Variants in RDX observed in about 807,000 individuals in gnomAD.
The protein encoded by RDX is deafness, autosomal recessive 24.
Under a neutral mutation model 83.7 loss-of-function variants are expected in RDX, and 32 were observed. The ratio of observed to expected loss-of-function variants is 0.38; its 90% CI spans 0.29 to 0.51. The LOEUF is 0.51. Ranked by LOEUF, RDX falls within the 20% of genes least tolerant of loss-of-function variation. RDX has a pLI of 0.87. For missense variants in RDX, 600 were observed against 689.9 expected (o/e 0.87, Z 1.46); for synonymous variants, 229 against 222.7 (o/e 1.03, Z -0.25).
intron 15 of RDX, among the ~76,000 whole-genome samples, chr11:110,197,584 C>G (rs559291605): frequency 6.6e-6 from 1 of 152,174 alleles, no homozygotes; most frequent in African/African-American, 2.4e-5. Flanking sequence ...GTCAAACTCA[C>G]TCAAAGGATT....
At chr11:110,282,433 GCTAA>G (rs757924803) in intron 1 of RDX, among the ~76,000 whole-genome samples, 119 of 151,844 alleles carry the variant, frequency 7.8e-4, no homozygotes, top group Non-Finnish European at 1.6e-3. Flanking sequence ...TGAAAAGACT[GCTAA>G]CTAATTTCAT....
chr11:110,232,182 T>C, intron 13 of RDX, 149 bp from the exon 14 acceptor site: 1 of 669,568 alleles, frequency 1.5e-6, no homozygotes, highest in South Asian at 1.8e-5. Flanking sequence ...TTAGTAATAG[T>C]GGTGGCAGTG....
At chr11:110,215,680 A>C (rs1864026572) in intron 14 of RDX, among the ~76,000 whole-genome samples, 1 of 152,232 alleles carries the variant, frequency 6.6e-6, no homozygotes, top group South Asian at 2.1e-4. Flanking sequence ...TGAGTTATGC[A>C]GACAAAATAA....
At chr11:110,182,770 C>T (rs965019976) in intron 15 of RDX, among the ~76,000 whole-genome samples, 2 of 152,150 alleles carry the variant, frequency 1.3e-5, no homozygotes, top group Admixed American at 6.5e-5. Context: ...GCCAGGTGAG[C>T]AGGCTGTCCG....
chr11:110,276,303 G>A (rs573693520), intron 2 of RDX, among the ~76,000 whole-genome samples: 1 of 152,112 alleles, frequency 6.6e-6, no homozygotes, highest in African/African-American at 2.4e-5. Flanking sequence ...CAAAGTCTGT[G>A]CTGTCACAAA....
rs146031062 is a variant in RDX at position 110,231,890 on chromosome 11, G to A, written c.1731C>T (p.Ile577=). 4.3e-5 allele frequency: 69 copies of A among 1,612,742 alleles called. 1 individual carries two copies. Among genetic ancestry groups the A allele is most frequent in the Middle Eastern group, 3.9e-4 (2 of 5,142 alleles). Residue 577 remains isoleucine (I), a synonymous_variant, in exon 14 of 14, where the codon ATC becomes ATT. Coordinates refer to ENST00000645495, the MANE Select transcript of RDX (RefSeq NM_002906.4). The stretch of plus-strand genomic sequence containing the variant: ...GCTCTCACATTGCTTCAAACTCATC[G>A]ATACGCTGCTTTGTATTGCCTTGTC... The part of the protein sequence containing the change: ...QIRQGNTKQR[I]DEFEAM
chr11:110,201,998 C>T (rs1335011419), intron 14 of RDX, among the ~76,000 whole-genome samples: 1 of 151,752 alleles, frequency 6.6e-6, no homozygotes, highest in Non-Finnish European at 1.5e-5. Context: ...CTAGGCTGCT[C>T]TCAAACTCCT....
chr11:110,258,200 C>G lies in RDX; in HGVS notation c.468-11G>C, dbSNP rs755915447. The G allele has an allele frequency of 5.3e-5, 65 of 1,225,120 alleles. 1 individual carries two copies. The Admixed American group carries it at 1.1e-3, about 22-fold the overall frequency. 75.9% of individuals were successfully genotyped at this position (1,225,120 alleles called of 1,614,324 possible). On this transcript the variant is annotated splice_polypyrimidine_tract_variant and intron_variant, in intron 5 of 13. Transcript: ENST00000645495. ...TGTTGTTCCAATACACTAAGAGGAC[C>G]AAAAAAAAAAAAAAATTATAATGAC...
chr11:110,285,986 A>G lies in RDX; in HGVS notation c.-64-6230T>C, dbSNP rs139807277. On this transcript the variant is annotated intron_variant, in intron 1 of 13. Coordinates refer to ENST00000645495, the MANE Select transcript of RDX (RefSeq NM_002906.4). ...CATTATATATCAAAGACACATATTT[A>G]TATACCAAATATTTGTATATTTCCA... Among the ~76,000 whole-genome samples, 486 of 152,248 alleles carry G rather than the reference A, an allele frequency of 3.2e-3. 12 individuals are homozygous for G. Among genetic ancestry groups the G allele is most frequent in the Admixed American group, 0.026 (400 of 15,276 alleles).
rs113105216 is a variant in RDX at position 110,283,548 on chromosome 11, G to A, written c.-64-3792C>T. ...ACTTCACAATACCATTTAATAAAATGTAAGTAAGTTAATATTTTTTTCAAA... is the reference window on the plus strand; with the variant it reads ...ACTTCACAATACCATTTAATAAAATATAAGTAAGTTAATATTTTTTTCAAA... On this transcript the variant is annotated intron_variant, in intron 1 of 13. Coordinates refer to ENST00000645495, the MANE Select transcript of RDX (RefSeq NM_002906.4). 1.4e-3 allele frequency among the ~76,000 whole-genome samples: 212 copies of A among 152,256 alleles called. 2 individuals are homozygous for A. Among genetic ancestry groups the A allele is most frequent in the African/African-American group, 4.9e-3 (203 of 41,548 alleles).
At chr11:110,187,836 AAAG>A (rs1361567451) in intron 15 of RDX, among the ~76,000 whole-genome samples, 27 of 152,338 alleles carry the variant, frequency 1.8e-4, no homozygotes, top group Non-Finnish European at 1.8e-4. Context: ...CCTGAGGAAA[AAAG>A]AGAGCTTCTT....
Position 110,230,082 on chromosome 11 carries a change from CATA to C in RDX, c.*1784_*1786del, listed in dbSNP as rs1416963514. On this transcript the variant is annotated 3_prime_UTR_variant, in exon 14 of 14. Transcript: ENST00000645495. ...TATATTAAACGCAACCTTTCTTTTACATAATGTCTGCCCAGATTAATCCTTTTA... is the reference window on the plus strand; with the variant it reads ...TATATTAAACGCAACCTTTCTTTTACATGTCTGCCCAGATTAATCCTTTTA... The C allele has an allele frequency of 3.9e-5, 6 of 152,626 alleles. No individual in the cohort carries two copies. In the East Asian group the frequency reaches 7.7e-4, roughly 20 times the overall value. 9.5% of individuals were successfully genotyped at this position (152,626 alleles called of 1,614,324 possible). A position where few individuals can be genotyped will look rare whatever the true frequency, so the allele number is the denominator to read the frequency against.
chr11:110,202,544 G>A (rs1179713281), intron 14 of RDX, among the ~76,000 whole-genome samples: 4 of 151,510 alleles, frequency 2.6e-5, no homozygotes, highest in South Asian at 2.1e-4. Flanking sequence ...TTAGCCTCTC[G>A]AGAAGCTGGG....
intron 2 of RDX, chr11:110,272,889 G>A (rs891126148): frequency 1.8e-5 from 9 of 493,982 alleles, no homozygotes; most frequent in African/African-American, 3.9e-5. Context: ...CTACAGAAAC[G>A]CAAAGAGTTT....
chr11:110,232,465 A>T (rs531643845), intron 13 of RDX, among the ~76,000 whole-genome samples: 1 of 152,180 alleles, frequency 6.6e-6, no homozygotes, highest in Admixed American at 6.5e-5. Context: ...TATTGGGAAA[A>T]AAGAAAGCTC....
intron 1 of RDX, among the ~76,000 whole-genome samples, chr11:110,291,077 T>G (rs1161967720): frequency 1.3e-5 from 2 of 152,120 alleles, no homozygotes; most frequent in Non-Finnish European, 2.9e-5. Flanking sequence ...TGCAGTTGCC[T>G]GCACTTTAGG....
chr11:110,189,160 A>G (rs1216821433), intron 15 of RDX, among the ~76,000 whole-genome samples: 1 of 150,472 alleles, frequency 6.6e-6, no homozygotes, highest in African/African-American at 2.4e-5. Flanking sequence ...TTGGAGGAAG[A>G]TCTATCATGC....
intron 14 of RDX, among the ~76,000 whole-genome samples, chr11:110,210,330 G>A (rs1302658352): frequency 8.3e-6 from 1 of 121,156 alleles, no homozygotes; most frequent in African/African-American, 3.5e-5. Context: ...CAAGAAATAT[G>A]GGACTATGTG....
intron 4 of RDX, 64 bp downstream of exon 4, chr11:110,264,715 C>T: frequency 8.2e-7 from 1 of 1,220,592 alleles, no homozygotes; most frequent in Non-Finnish European, 1.2e-6. Context: ...TTAGCTTTTC[C>T]AGCACAAATT....
Sources: gnomAD v4.1 joint callset for allele counts (sites outside exome capture counted in the v4.1 genomes callset) on GRCh38, gnomAD v4.1.1 for gene constraint, MANE v1.5 for transcripts, NCBI Gene and HGNC (gene_info 2026-07-23, HGNC 2026-07-21) for gene names.